The following HSPG2 variants were observed in gnomAD, a reference collection of about 807,000 sequenced individuals.
HSPG2 encodes heparan sulfate proteoglycan 2.
HSPG2 carries 278 observed loss-of-function variants against 526.6 expected under a neutral mutation model. The observed-to-expected ratio is 0.53, with a 90% CI of 0.48 to 0.58. The LOEUF is 0.58. Among genes scored for constraint, HSPG2 ranks in the 20% least tolerant of loss-of-function variants. The pLI, the probability that HSPG2 is intolerant of heterozygous loss-of-function variation, is 0.00. For missense variants in HSPG2, 5,354 were observed against 6,099.5 expected, an observed-to-expected ratio of 0.88 and a Z score of 4.07; for synonymous variants, 2,465 against 2,555.4, an observed-to-expected ratio of 0.96 and a Z score of 1.07.
chr1:21,878,197 A>T lies in HSPG2; in HGVS notation c.2674T>A (p.Cys892Ser). Residue 892 changes from cysteine (C) to serine (S), a missense_variant, in exon 21 of 97, where the codon TGC becomes AGC. Cys to Ser is a moderately radical substitution (Grantham distance 112). Transcript: ENST00000374695. ...RGSMGTSGEA[C>S]RCKNNVVGRL... is the part of the protein sequence containing the mutation. Reference sequence around the variant, plus strand: ...GATGGCACGCGTACCTTACAGCGGCAGGCCTCCCCGGAGGTCCCCATGCTG... The same window carrying T: ...GATGGCACGCGTACCTTACAGCGGCTGGCCTCCCCGGAGGTCCCCATGCTG... 1 of 1,613,584 alleles carries T rather than the reference A, an allele frequency of 6.2e-7. No homozygotes were observed. Among genetic ancestry groups the T allele is most frequent in the Non-Finnish European group, 8.5e-7 (1 of 1,179,906 alleles).
chr1:21,878,497 GGA>G lies in HSPG2; in HGVS notation c.2559-8_2559-7del, dbSNP rs1641262330. Reference sequence around the variant, plus strand: ...CCTCGTATCCGGGGGCACAGCTAGGGGAGAGAGGGGGCCGCCATCAGCACTTC... The same window carrying G: ...CCTCGTATCCGGGGGCACAGCTAGGGGAGAGGGGGCCGCCATCAGCACTTC... On this transcript the variant is annotated splice_polypyrimidine_tract_variant and splice_region_variant and intron_variant, in intron 19 of 96. Coordinates refer to ENST00000374695, the MANE Select transcript of HSPG2 (RefSeq NM_005529.7). 2 of 1,613,250 alleles carry G rather than the reference GGA, an allele frequency of 1.2e-6. No homozygotes were observed. Among genetic ancestry groups the G allele is most frequent in the Non-Finnish European group, 1.7e-6 (2 of 1,179,692 alleles).
chr1:21,906,651 T>C (rs113791815), intron 1 of HSPG2, among the ~76,000 whole-genome samples: 6 of 145,730 alleles, frequency 4.1e-5, no homozygotes, highest in African/African-American at 1.5e-4. Context: ...GACAAACACA[T>C]CTGGGAAAGG....
At chr1:21,832,642 A>G (rs1479251873) in intron 80 of HSPG2, 36 bp from the exon 81 acceptor site, 2 of 1,532,554 alleles carry the variant, frequency 1.3e-6, no homozygotes, top group Non-Finnish European at 1.8e-6. Context: ...GCCCCCTTCC[A>G]GCCACAGGCT....
At position 21,898,437 on chromosome 1, in the gene HSPG2, G is replaced by A. The variant is rs375933883; in HGVS notation, c.64-2127C>T. Among the ~76,000 whole-genome samples, 23 of 152,320 alleles carry A rather than the reference G, an allele frequency of 1.5e-4. No individual in the cohort carries two copies. The East Asian group carries it at 1.9e-3, about 13-fold the overall frequency. ...CTTCTAGGCTGTGCCCGTGGGATGCGCATTCAGGAGTGTGCTTTAGAACGT... is the reference window on the plus strand; with the variant it reads ...CTTCTAGGCTGTGCCCGTGGGATGCACATTCAGGAGTGTGCTTTAGAACGT... On this transcript the variant is annotated intron_variant, in intron 1 of 96. Coordinates refer to ENST00000374695, the MANE Select transcript of HSPG2 (RefSeq NM_005529.7). This position sits in a 1 kb window ranked among gnomAD's most constrained non-coding sequence, Gnocchi z 4.0.
chr1:21,890,109 T>A lies in HSPG2; in HGVS notation c.446A>T (p.Asp149Val). ...ELDGWVFVELDVGSEGNADGA... is the reference protein window; with the variant it reads ...ELDGWVFVELVVGSEGNADGA... ...ATCCGCATTCCCTTCCGAGCCCACA[T>A]CCAGCTCCACAAAAACCCAGCCATC... The change falls in exon 6 of 97, where the codon GAT becomes GTT. Residue 149 changes from aspartate (D) to valine (V), a missense_variant. Transcript: ENST00000374695. The surrounding 1 kb of genome is among the most constrained non-coding windows in gnomAD (Gnocchi z 4.1). 1 of 1,613,884 alleles carries A rather than the reference T, an allele frequency of 6.2e-7. No individual in the cohort carries two copies. Among genetic ancestry groups the A allele is most frequent in the Non-Finnish European group, 8.5e-7 (1 of 1,179,922 alleles).
intron 1 of HSPG2, chr1:21,908,522 G>A: frequency 2.1e-6 from 2 of 949,662 alleles, no homozygotes; most frequent in Non-Finnish European, 3.4e-6. Context: ...CACTTTGTGA[G>A]AACCAATGGG....
chr1:21,904,747 C>T lies in HSPG2; in HGVS notation c.64-8437G>A, dbSNP rs1051042787. On this transcript the variant is annotated intron_variant, in intron 1 of 96. Transcript: ENST00000374695. This position sits in a 1 kb window ranked among gnomAD's most constrained non-coding sequence, Gnocchi z 4.4. ...GCCCAGCAAGAAGGTCCCTGGGGGT[C>T]GAACACTATCTGCCAGGCACCACGG... Among the ~76,000 whole-genome samples the T allele has an allele frequency of 3.3e-5, 5 of 152,196 alleles. No individual in the cohort carries two copies. Among genetic ancestry groups the T allele is most frequent in the African/African-American group, 4.8e-5 (2 of 41,450 alleles).
In HSPG2 at chr1:21,880,550, C is replaced by G. The variant is rs147810145; in HGVS notation, c.2008G>C (p.Val670Leu). The G allele has an allele frequency of 9.9e-6, 16 of 1,613,478 alleles. No homozygotes were observed. The highest frequency in any genetic ancestry group is 1.4e-5 in the Non-Finnish European group (16 of 1,179,914). The change falls in exon 16 of 97, where the codon GTC becomes CTC. Residue 670 changes from valine to leucine, a missense_variant. Transcript: ENST00000374695. The stretch of plus-strand genomic sequence containing the variant: ...TGCACCGGCCGGCCAGACTCATGGA[C>G]CCAGTGCTCCTGGGTATGGGTGAAG... ...RQVQFSEEHW[V>L]HESGRPVQRA... is the part of the protein sequence containing the mutation.
rs1365365966 is a variant in HSPG2 at position 21,829,316 on chromosome 1, G to T, written c.11992+67C>A. 29 of 1,524,884 alleles carry T rather than the reference G, an allele frequency of 1.9e-5. No homozygotes were observed. In the Admixed American group the frequency reaches 4.7e-4, roughly 25 times the overall value. The allele number at this position is 1,524,884 out of a possible 1,614,324, so 94.5% of individuals were successfully genotyped here. A position where few individuals can be genotyped will look rare whatever the true frequency, so the allele number is the denominator to read the frequency against. ...ATTTATCCTCCCATGCCTCCCTGGG[G>T]CTTGAAGAGCCGAGGGGGGCACAAG... On this transcript the variant is annotated intron_variant, in intron 87 of 96. Transcript: ENST00000374695.
In HSPG2 at chr1:21,831,718, C is replaced by G. The variant is rs1383810003; in HGVS notation, c.11286G>C (p.Leu3762=). 1 of 1,606,340 alleles carries G rather than the reference C, an allele frequency of 6.2e-7. No individual in the cohort carries two copies. The highest frequency in any genetic ancestry group is 1.3e-5 in the African/African-American group (1 of 74,780). The change falls in exon 82 of 97, where the codon CTG becomes CTC. Residue 3762 remains leucine, a synonymous_variant. Transcript: ENST00000374695. ...LALGHFHTVT[L]LRSLTQGSLI... is the part of the protein sequence containing the mutation. ...GGGAGCCCTGGGTGAGGCTGCGCAG[C>G]AGGGTCACGGTGTGGAAATGGCCCA... is the stretch of plus-strand genomic sequence containing the variant.
intron 1 of HSPG2, among the ~76,000 whole-genome samples, chr1:21,912,623 C>T (rs909898919): frequency 1.3e-5 from 2 of 152,178 alleles, no homozygotes; most frequent in African/African-American, 4.8e-5. Flanking sequence ...ACACTTCCGG[C>T]TGCTGGGGAA....
intron 75 of HSPG2, among the ~76,000 whole-genome samples, chr1:21,836,236 G>A (rs943228208): frequency 2.6e-5 from 4 of 152,128 alleles, no homozygotes; most frequent in Non-Finnish European, 4.4e-5. Flanking sequence ...TCTTTCCTCC[G>A]CTAATAATAA....
chr1:21,879,961 T>C (rs530419245), intron 17 of HSPG2, 146 bp downstream of exon 17: 1 of 987,244 alleles, frequency 1.0e-6, no homozygotes, highest in South Asian at 1.4e-5. Context: ...CCTATATTTC[T>C]GTTATTGCAT....
At chr1:21,920,759 C>T (rs1644014988) in intron 1 of HSPG2, among the ~76,000 whole-genome samples, 1 of 152,188 alleles carries the variant, frequency 6.6e-6, no homozygotes, top group African/African-American at 2.4e-5. Flanking sequence ...TAAAACAGTT[C>T]TCCCTCCTCC....
intron 33 of HSPG2, among the ~76,000 whole-genome samples, chr1:21,871,729 C>G (rs1015803647): frequency 6.6e-6 from 1 of 152,154 alleles, no homozygotes. Flanking sequence ...AAGGATGCTG[C>G]CTAGCACATA....
At position 21,855,527 on chromosome 1, in the gene HSPG2, C is replaced by A. The variant is rs776080899; in HGVS notation, c.5850G>T (p.Val1950=). The A allele has an allele frequency of 8.1e-6, 13 of 1,608,706 alleles. No homozygotes were observed. The highest frequency in any genetic ancestry group is 1.1e-5 in the Non-Finnish European group (13 of 1,178,522). ...ACCCTGAGCCCGGCCTCTCACCATG[C>A]ACGTGGAGCACAGCCCTGGCCACCT... ...GQQVARAVLH[V]HGGGGPRVQV... Residue 1950 remains valine, a synonymous_variant, in exon 46 of 97, where the codon GTG becomes GTT. Transcript: ENST00000374695.
At chr1:21,834,986 T>G (rs765446936) in intron 76 of HSPG2, 41 bp from the exon 77 acceptor site, 1 of 1,605,118 alleles carries the variant, frequency 6.2e-7, no homozygotes, top group Admixed American at 1.7e-5. Flanking sequence ...GATCAGTCAC[T>G]GCAGGCCTGG....
chr1:21,919,855 A>G (rs1443188323), intron 1 of HSPG2, among the ~76,000 whole-genome samples: 1 of 152,130 alleles, frequency 6.6e-6, no homozygotes, highest in Non-Finnish European at 1.5e-5. Context: ...AAAGTGAGCT[A>G]TGCCTTTGTT....
In HSPG2 at chr1:21,851,705, A is replaced by T. The variant is rs1023986016; in HGVS notation, c.7007-8T>A. 2 of 1,613,854 alleles carry T rather than the reference A, an allele frequency of 1.2e-6. No homozygotes were observed. Among genetic ancestry groups the T allele is most frequent in the Non-Finnish European group, 1.7e-6 (2 of 1,180,008 alleles). On this transcript the variant is annotated splice_polypyrimidine_tract_variant and splice_region_variant and intron_variant, in intron 54 of 96. Transcript: ENST00000374695. ...GCTGGGTGCTGCCGGCAGCTGAGGG[A>T]TAAGATGGTCACCGGTCACTCCTGT...
Sources: gnomAD v4.1 joint callset for allele counts (sites outside exome capture counted in the v4.1 genomes callset) on GRCh38, gnomAD v4.1.1 for gene constraint, Gnocchi (gnomAD v3.1) non-coding constraint, MANE v1.5 for transcripts, NCBI Gene and HGNC (gene_info 2026-07-23, HGNC 2026-07-21) for gene names.